Variants in RGL3 observed in about 807,000 individuals in gnomAD.
The protein encoded by RGL3 is ral guanine nucleotide dissociation stimulator-like 3.
RGL3 carries 85 observed loss-of-function variants against 90.6 expected under a neutral mutation model. That is an observed-to-expected ratio of 0.94 (90% CI 0.79 to 1.12). The LOEUF (loss-of-function observed/expected upper bound fraction) is 1.12, where lower values mean the gene tolerates loss of function less well. Ranked by LOEUF, RGL3 falls within the 50% of genes most tolerant of loss-of-function variation. The pLI is 0.00. For synonymous variants in RGL3, 408 were observed against 385.5 expected, an observed-to-expected ratio of 1.06 and a Z score of -0.68; for missense variants, 1,034 against 939.2, an observed-to-expected ratio of 1.10 and a Z score of -1.32.
intron 2 of RGL3, among the ~76,000 whole-genome samples, chr19:11,417,452 G>C (rs1347134446): frequency 6.9e-6 from 1 of 144,526 alleles, no homozygotes; most frequent in African/African-American, 2.6e-5. Flanking sequence ...GAACCACCGT[G>C]CCCAGCCCCT....
In RGL3 at chr19:11,407,072, G is replaced by A. The variant is rs542130884; in HGVS notation, c.638-208C>T. 1.0e-3 allele frequency: 486 copies of A among 474,108 alleles called. 8 individuals carry two copies. The South Asian group carries it at 0.014, about 13-fold the overall frequency. 29.4% of individuals were successfully genotyped at this position (474,108 alleles called of 1,614,324 possible). A position where few individuals can be genotyped will look rare whatever the true frequency, so the allele number is the denominator to read the frequency against. ...GCAATCTCAGCTGACCACAACCTCCGCCTCCTGGGTTCAAGTGATTCTCCT... is the reference window on the plus strand; with the variant it reads ...GCAATCTCAGCTGACCACAACCTCCACCTCCTGGGTTCAAGTGATTCTCCT... On this transcript the variant is annotated intron_variant, in intron 5 of 18. Coordinates refer to ENST00000380456, the MANE Select transcript of RGL3 (RefSeq NM_001035223.4).
chr19:11,402,713 G>A lies in RGL3; in HGVS notation c.1186-7C>T, dbSNP rs1968702635. ...ATCCCTCAGTGGCCTCCTCCTGAGG[G>A]AAGAGAAAAACTGAGCCAGGTCTGG... is the stretch of plus-strand genomic sequence containing the variant. On this transcript the variant is annotated splice_polypyrimidine_tract_variant and splice_region_variant and intron_variant, in intron 9 of 18. Coordinates refer to ENST00000380456, the MANE Select transcript of RGL3 (RefSeq NM_001035223.4). 6.2e-7 allele frequency: 1 copy of A among 1,612,218 alleles called. No individual in the cohort carries two copies. Among genetic ancestry groups the A allele is most frequent in the Non-Finnish European group, 8.5e-7 (1 of 1,179,408 alleles).
intron 2 of RGL3, among the ~76,000 whole-genome samples, chr19:11,418,130 T>C (rs1199054000): frequency 1.3e-5 from 2 of 151,956 alleles, no homozygotes; most frequent in South Asian, 4.2e-4. Context: ...TTGAAGTTAT[T>C]GTTCCTCCCC....
chr19:11,394,176 T>G lies in RGL3; in HGVS notation c.*226A>C. 8.1e-6 allele frequency: 4 copies of G among 494,224 alleles called. No homozygotes were observed. Among genetic ancestry groups the G allele is most frequent in the East Asian group, 3.5e-5 (1 of 28,918 alleles). The allele number at this position is 494,224 out of a possible 1,614,324, so 30.6% of individuals were successfully genotyped here. ...TATCCATGCCCCACCTCTTTCTACA[T>G]TTATGGGATTGAGCTCTCCACCAGC... On this transcript the variant is annotated 3_prime_UTR_variant, in exon 19 of 19. Transcript: ENST00000380456.
rs1340204059 is a variant in RGL3 at position 11,406,453 on chromosome 19, G to A, written c.962C>T (p.Ala321Val). The stretch of plus-strand genomic sequence containing the variant: ...GCGGATCCACTTCTCCAGCCGCTGC[G>A]CCCTCTGCGGGGCGGCCAAGCCCGG... ...GAPGLAAPQRAQRLEKWIRIA... is the reference protein window; with the variant it reads ...GAPGLAAPQRVQRLEKWIRIA... Residue 321 changes from alanine (A) to valine (V), a missense_variant, in exon 7 of 19, where the codon GCG (alanine) becomes GTG (valine). Physicochemically the swap from Ala to Val is moderately conservative, Grantham distance 64 (BLOSUM62 0). Coordinates refer to ENST00000380456, the MANE Select transcript of RGL3 (RefSeq NM_001035223.4). The A allele has an allele frequency of 1.3e-6, 2 of 1,546,742 alleles. No homozygotes were observed. Among genetic ancestry groups the A allele is most frequent in the Non-Finnish European group, 1.7e-6 (2 of 1,149,726 alleles).
chr19:11,395,873 C>A (rs1307035355), intron 18 of RGL3, among the ~76,000 whole-genome samples: 1 of 150,734 alleles, frequency 6.6e-6, no homozygotes, highest in Non-Finnish European at 1.5e-5. Context: ...GTGATCCACC[C>A]GCCTCGGCCT....
chr19:11,404,621 TGGGAAG>T (rs1968736615), intron 9 of RGL3, among the ~76,000 whole-genome samples: 1 of 151,986 alleles, frequency 6.6e-6, no homozygotes, highest in African/African-American at 2.4e-5. Flanking sequence ...TGATGGAGGC[TGGGAAG>T]GCCTCTCAGA....
At position 11,416,030 on chromosome 19, in the gene RGL3, T is replaced by G. The variant is rs1568342675; in HGVS notation, c.544A>C (p.Ser182Arg). Reference protein sequence around the residue: ...RTFLGWAAPGSAEAQKAEKLL... With the variant: ...RTFLGWAAPGRAEAQKAEKLL... ...TTCTCTGCTTTTTGAGCCTCAGCAC[T>G]CCCTGGGGCCGCCCAGCCCAGAAAG... is the stretch of plus-strand genomic sequence containing the variant. The change falls in exon 5 of 19, where the codon AGT becomes CGT. Residue 182 changes from serine (S) to arginine (R), a missense_variant. Coordinates refer to ENST00000380456, the MANE Select transcript of RGL3 (RefSeq NM_001035223.4). 6.2e-7 allele frequency: 1 copy of G among 1,613,850 alleles called. No homozygotes were observed. Among genetic ancestry groups the G allele is most frequent in the Non-Finnish European group, 8.5e-7 (1 of 1,179,958 alleles).
chr19:11,416,866 A>G lies in RGL3; in HGVS notation c.341T>C (p.Leu114Pro), dbSNP rs977860177. The part of the protein sequence containing the change: ...VPTACLLGFL[L>P]PPMPPPPPPG... ...AGGTGGGGGCGGTGGCATTGGTGGC[A>G]GCAGAAAGCCCAGCAGGCAGGCAGT... is the stretch of plus-strand genomic sequence containing the variant. The change falls in exon 3 of 19, where the codon CTG becomes CCG. Residue 114 changes from leucine to proline, a missense_variant. Transcript: ENST00000380456. The G allele has an allele frequency of 1.2e-6, 2 of 1,613,946 alleles. No homozygotes were observed. The highest frequency in any genetic ancestry group is 1.7e-6 in the Non-Finnish European group (2 of 1,179,936).
chr19:11,400,389 G>A (rs1207240434), intron 13 of RGL3, 92 bp from the exon 14 acceptor site: 1 of 1,114,178 alleles, frequency 9.0e-7, no homozygotes, highest in African/African-American at 1.6e-5. Flanking sequence ...GTGGGTTTGG[G>A]GTGTAAGGGG....
At chr19:11,417,553 C>T in intron 2 of RGL3, among the ~76,000 whole-genome samples, 1 of 146,332 alleles carries the variant, frequency 6.8e-6, no homozygotes. Context: ...TCACTGCAAC[C>T]TCCGCCTCCT....
chr19:11,398,120 A>C (rs867254697), intron 16 of RGL3, among the ~76,000 whole-genome samples: 8 of 152,328 alleles, frequency 5.3e-5, no homozygotes, highest in Admixed American at 1.3e-4. Flanking sequence ...ACAAGCCTGC[A>C]TATACACCAC....
rs1968779881 is a variant in RGL3 at position 11,406,431 on chromosome 19, G to A, written c.984C>T (p.Ile328=). Reference sequence around the variant, plus strand: ...GCCCGCAACACACCTGGGCGATGCGGATCCACTTCTCCAGCCGCTGCGCCC... The same window carrying A: ...GCCCGCAACACACCTGGGCGATGCGAATCCACTTCTCCAGCCGCTGCGCCC... ...PQRAQRLEKW[I]RIAQRCRELR... The change falls in exon 7 of 19, where the codon ATC becomes ATT. Residue 328 remains isoleucine (I), a synonymous_variant. Transcript: ENST00000380456. The A allele has an allele frequency of 6.5e-7, 1 of 1,538,470 alleles. No individual in the cohort carries two copies. The highest frequency in any genetic ancestry group is 8.7e-7 in the Non-Finnish European group (1 of 1,146,548).
chr19:11,401,979 G>C, intron 13 of RGL3, 32 bp downstream of exon 13: 1 of 1,511,268 alleles, frequency 6.6e-7, no homozygotes, highest in Non-Finnish European at 8.8e-7. Context: ...GCTCAGCTGG[G>C]GTGGGGCTGG....
chr19:11,405,622 G>A (rs954428468), intron 7 of RGL3, among the ~76,000 whole-genome samples, 196 bp from the exon 8 acceptor site: 2 of 139,000 alleles, frequency 1.4e-5, no homozygotes, highest in Non-Finnish European at 3.0e-5. Context: ...GGGCTTAAGC[G>A]ATCCACATGC....
chr19:11,402,164 G>GGCCC, intron 12 of RGL3, 32 bp from the exon 13 acceptor site: 16 of 1,585,680 alleles, frequency 1.0e-5, no homozygotes, highest in Admixed American at 1.7e-5. Context: ...CCCTACCCCT[G>GGCCC]CCCCACCCCC....
intron 4 of RGL3, 58 bp downstream of exon 4, chr19:11,416,556 A>G (rs1398901673): frequency 5.9e-5 from 91 of 1,540,580 alleles, no homozygotes; most frequent in Middle Eastern, 1.7e-4. Flanking sequence ...TCCGACTGCT[A>G]ACCTTTGACC....
chr19:11,407,004 T>G (rs1599437146), intron 5 of RGL3, 140 bp from the exon 6 acceptor site: 1 of 825,828 alleles, frequency 1.2e-6, no homozygotes, highest in Non-Finnish European at 1.8e-6. Flanking sequence ...TTTTTTTTTT[T>G]TGAGACAGTC....
intron 2 of RGL3, 140 bp from the exon 3 acceptor site, chr19:11,417,199 T>G (rs1969019065): frequency 3.0e-6 from 2 of 662,178 alleles, no homozygotes; most frequent in Non-Finnish European, 5.0e-6. Context: ...TTGCCCAGGC[T>G]GGAGTGCAGT....
Sources: gnomAD v4.1 joint callset for allele counts (sites outside exome capture counted in the v4.1 genomes callset) on GRCh38, gnomAD v4.1.1 for gene constraint, MANE v1.5 for transcripts, NCBI Gene and HGNC (gene_info 2026-07-23, HGNC 2026-07-21) for gene names.